The following PRKAR2A variants were observed in gnomAD, a reference collection of about 807,000 sequenced individuals.
PRKAR2A encodes protein kinase cAMP-dependent type II regulatory subunit alpha.
In PRKAR2A, 29 loss-of-function variants were observed where a neutral mutation model predicts 51.9. That is an observed-to-expected ratio of 0.56 (90% confidence interval 0.42 to 0.76). PRKAR2A has a LOEUF of 0.76. Ranked by LOEUF, PRKAR2A falls within the 30% of genes least tolerant of loss-of-function variation. PRKAR2A has a pLI of 0.00. For missense variants in PRKAR2A, 445 were observed against 512.1 expected, an observed-to-expected ratio of 0.87 and a Z score of 1.26; for synonymous variants, 178 against 186.2, an observed-to-expected ratio of 0.96 and a Z score of 0.36.
Position 48,772,806 on chromosome 3 carries a change from A to AT in PRKAR2A, c.696+148dup, listed in dbSNP as rs1402137446. 2.9e-4 allele frequency: 226 copies of AT among 792,002 alleles called. No individual in the cohort carries two copies. The East Asian group carries it at 3.5e-3, about 12-fold the overall frequency. The allele number at this position is 792,002 out of a possible 1,614,324, so 49.1% of individuals were successfully genotyped here. ...CACATGCCCACCACCACACCTGGCT[A>AT]TTTTTTTTGTATTTTTTAGTAGAGA... On this transcript the variant is annotated intron_variant, in intron 6 of 10. Transcript: ENST00000265563.
chr3:48,847,631 C>A lies in PRKAR2A; in HGVS notation c.-35G>T, dbSNP rs770058362. The A allele has an allele frequency of 2.1e-6, 3 of 1,404,986 alleles. No individual in the cohort carries two copies. The highest frequency in any genetic ancestry group is 2.8e-6 in the Non-Finnish European group (3 of 1,085,466). 87.0% of individuals were successfully genotyped at this position (1,404,986 alleles called of 1,614,324 possible). Reference sequence around the variant, plus strand: ...GGCCGAAGGGATAGACGGGTTGGGCCGCCGGCGGCCACTGTCTCCGCGCTC... The same window carrying A: ...GGCCGAAGGGATAGACGGGTTGGGCAGCCGGCGGCCACTGTCTCCGCGCTC... On this transcript the variant is annotated 5_prime_UTR_variant, in exon 1 of 11. Coordinates refer to ENST00000265563, the MANE Select transcript of PRKAR2A (RefSeq NM_004157.4). This position sits in a 1 kb window ranked among gnomAD's most constrained non-coding sequence, Gnocchi z 4.4.
rs1055491814 is a variant in PRKAR2A, at chr3:48,802,143, A to G, written c.298+5506T>C. Reference sequence around the variant, plus strand: ...AGGCTAGTCTCAAACTCCTGACCTCAGGTGATCCACTGTCTCGGCCTCCCA... The same window carrying G: ...AGGCTAGTCTCAAACTCCTGACCTCGGGTGATCCACTGTCTCGGCCTCCCA... On this transcript the variant is annotated intron_variant, in intron 2 of 10. Transcript: ENST00000265563. 2.9e-4 allele frequency among the ~76,000 whole-genome samples: 44 copies of G among 152,260 alleles called. No individual in the cohort carries two copies. The South Asian group carries it at 8.9e-3, about 31-fold the overall frequency.
chr3:48,836,096 G>A (rs2083278647), intron 1 of PRKAR2A, among the ~76,000 whole-genome samples: 1 of 151,926 alleles, frequency 6.6e-6, no homozygotes, highest in African/African-American at 2.4e-5. Context: ...AACAAATGGT[G>A]CTGAACAACT....
At chr3:48,768,073 T>G (rs1168692005) in intron 6 of PRKAR2A, among the ~76,000 whole-genome samples, 2 of 151,428 alleles carry the variant, frequency 1.3e-5, no homozygotes, top group Non-Finnish European at 2.9e-5. Context: ...GGTGGGTGGA[T>G]TGTTTGAGCC....
In PRKAR2A at chr3:48,847,765, A is replaced by T; in HGVS notation, c.-169T>A. 1.5e-6 allele frequency: 1 copy of T among 665,840 alleles called. No individual in the cohort carries two copies. The highest frequency in any genetic ancestry group is 4.2e-5 in the South Asian group (1 of 23,846). The allele number at this position is 665,840 out of a possible 1,614,324, so 41.2% of individuals were successfully genotyped here. A position where few individuals can be genotyped will look rare whatever the true frequency, so the allele number is the denominator to read the frequency against. Reference sequence around the variant, plus strand: ...CTGCGTTTCCGGGCCGCGCAACCCTACGCTACCACGGCCGACCTGGCACCG... The same window carrying T: ...CTGCGTTTCCGGGCCGCGCAACCCTTCGCTACCACGGCCGACCTGGCACCG... On this transcript the variant is annotated 5_prime_UTR_variant, in exon 1 of 11. Coordinates refer to ENST00000265563, the MANE Select transcript of PRKAR2A (RefSeq NM_004157.4). The surrounding 1 kb of genome is among the most constrained non-coding windows in gnomAD (Gnocchi z 4.4).
intron 5 of PRKAR2A, among the ~76,000 whole-genome samples, chr3:48,776,432 A>G (rs578239868): frequency 6.6e-6 from 1 of 152,194 alleles, no homozygotes; most frequent in Non-Finnish European, 1.5e-5. Context: ...ATCTGCTAAT[A>G]ATAGGAGATG....
intron 9 of PRKAR2A, among the ~76,000 whole-genome samples, chr3:48,753,900 CTT>C (rs11389036): frequency 3.7e-5 from 5 of 136,752 alleles, no homozygotes; most frequent in Admixed American, 1.5e-4. Context: ...CTATTGTTTT[CTT>C]TTTTTTTTTT....
chr3:48,836,142 A>T (rs1575954563), intron 1 of PRKAR2A, among the ~76,000 whole-genome samples: 1 of 152,090 alleles, frequency 6.6e-6, no homozygotes, highest in East Asian at 1.9e-4. Flanking sequence ...GTACTCGGCC[A>T]GGCACGGTGG....
intron 2 of PRKAR2A, among the ~76,000 whole-genome samples, chr3:48,804,226 C>T (rs1483743790): frequency 6.6e-6 from 1 of 152,080 alleles, no homozygotes; most frequent in Non-Finnish European, 1.5e-5. Context: ...TTTGGAAGGC[C>T]AAGCTAAGTG....
intron 1 of PRKAR2A, among the ~76,000 whole-genome samples, chr3:48,812,617 G>A (rs1473154039): frequency 6.6e-6 from 1 of 152,040 alleles, no homozygotes; most frequent in Non-Finnish European, 1.5e-5. Flanking sequence ...TGAGTAGCTG[G>A]GACTACAGGC....
intron 1 of PRKAR2A, among the ~76,000 whole-genome samples, chr3:48,825,219 T>G (rs1285756917): frequency 3.3e-5 from 5 of 151,896 alleles, no homozygotes; most frequent in African/African-American, 1.2e-4. Flanking sequence ...TTTCTCCATG[T>G]TGGTCAGGCT....
chr3:48,779,458 T>A (rs2082158711), intron 5 of PRKAR2A, among the ~76,000 whole-genome samples: 1 of 152,040 alleles, frequency 6.6e-6, no homozygotes, highest in Non-Finnish European at 1.5e-5. Flanking sequence ...GAAAGGTGGC[T>A]GCTGGAGGTG....
intron 9 of PRKAR2A, among the ~76,000 whole-genome samples, chr3:48,753,566 ATT>A (rs2081700058): frequency 6.6e-6 from 1 of 152,172 alleles, no homozygotes; most frequent in Non-Finnish European, 1.5e-5. Flanking sequence ...TTTCAGTAGT[ATT>A]CTCTGGAGTT....
Position 48,752,194 on chromosome 3 carries a change from C to G in PRKAR2A, c.1063G>C (p.Gly355Arg). ...TTCTTACCTAAGCATTTGACATCTC[C>G]AACTGCATAAGCTGAGGCAGCTCTG... is the stretch of plus-strand genomic sequence containing the variant. ...KPRAASAYAV[G>R]DVKCLVMDVQ... The change falls in exon 10 of 11, where the codon GGA (glycine) becomes CGA (arginine). Residue 355 changes from glycine (G) to arginine (R), a missense_variant. Physicochemically the swap from Gly to Arg is moderately radical, Grantham distance 125 (BLOSUM62 -2). Coordinates refer to ENST00000265563, the MANE Select transcript of PRKAR2A (RefSeq NM_004157.4). 6.2e-7 allele frequency: 1 copy of G among 1,613,618 alleles called. No individual in the cohort carries two copies. The highest frequency in any genetic ancestry group is 8.5e-7 in the Non-Finnish European group (1 of 1,179,898).
chr3:48,746,533 C>G (rs1157167207), downstream of PRKAR2A: 3 of 152,040 alleles, frequency 2.0e-5, no homozygotes, highest in African/African-American at 7.2e-5. Flanking sequence ...GGCCTGGAGC[C>G]CTGAAGCAAA....
rs561317323 is a variant in PRKAR2A, at chr3:48,773,767, T to C, written c.543-659A>G. ...ATATATATATATACACACACACACA[T>C]ATATACATACACATAAATATATATA... is the stretch of plus-strand genomic sequence containing the variant. On this transcript the variant is annotated intron_variant, in intron 5 of 10. Coordinates refer to ENST00000265563, the MANE Select transcript of PRKAR2A (RefSeq NM_004157.4). 2.0e-5 allele frequency among the ~76,000 whole-genome samples: 3 copies of C among 151,786 alleles called. No homozygotes were observed. In the South Asian group the frequency reaches 6.2e-4, roughly 32 times the overall value.
At chr3:48,778,705 A>G (rs2082142794) in intron 5 of PRKAR2A, among the ~76,000 whole-genome samples, 1 of 150,922 alleles carries the variant, frequency 6.6e-6, no homozygotes, top group Non-Finnish European at 1.5e-5. Flanking sequence ...TTTTTAGTAG[A>G]GATGGGGTTT....
chr3:48,824,219 C>T (rs754883984), intron 1 of PRKAR2A, among the ~76,000 whole-genome samples: 3 of 151,894 alleles, frequency 2.0e-5, no homozygotes, highest in Admixed American at 1.3e-4. Context: ...CCAGCCTGGA[C>T]GACAAGAGCA....
In PRKAR2A at chr3:48,782,019, T is replaced by C. The variant is rs535906775; in HGVS notation, c.542+967A>G. 3.3e-5 allele frequency among the ~76,000 whole-genome samples: 5 copies of C among 152,362 alleles called. No individual in the cohort carries two copies. The East Asian group carries it at 9.6e-4, about 29-fold the overall frequency. ...CTTTAAGATAAAAAAACTATTTTTGTTTCCTTTTTATTATCTAGCTCCAAA... is the reference window on the plus strand; with the variant it reads ...CTTTAAGATAAAAAAACTATTTTTGCTTCCTTTTTATTATCTAGCTCCAAA... On this transcript the variant is annotated intron_variant, in intron 5 of 10. Transcript: ENST00000265563.
Sources: gnomAD v4.1 joint callset for allele counts (sites outside exome capture counted in the v4.1 genomes callset) on GRCh38, gnomAD v4.1.1 for gene constraint, Gnocchi (gnomAD v3.1) non-coding constraint, MANE v1.5 for transcripts, NCBI Gene and HGNC (gene_info 2026-07-23, HGNC 2026-07-21) for gene names.